The following CHRM5 variants were observed in gnomAD, a reference collection of about 807,000 sequenced individuals.
CHRM5 encodes cholinergic receptor muscarinic 5.
In CHRM5, 18 loss-of-function variants were observed where a neutral mutation model predicts 39.0. The ratio of observed to expected loss-of-function variants is 0.46; its 90% CI spans 0.32 to 0.68. The LOEUF (loss-of-function observed/expected upper bound fraction) is 0.68. Among genes scored for constraint, CHRM5 ranks in the 30% least tolerant of loss-of-function variants. The probability of loss-of-function intolerance (pLI) is 0.04; values close to 1 mark genes in which losing one functional copy is unlikely to be tolerated. For missense variants in CHRM5, 515 were observed against 651.1 expected (o/e 0.79, Z 2.28); for synonymous variants, 241 against 246.3 (o/e 0.98, Z 0.20).
chr15:33,985,977 AC>A (rs1896432205), intron 1 of CHRM5, among the ~76,000 whole-genome samples: 1 of 152,210 alleles, frequency 6.6e-6, no homozygotes, highest in South Asian at 2.1e-4. Flanking sequence ...GATCTAACTC[AC>A]ATAGCATTCC....
intron 2 of CHRM5, among the ~76,000 whole-genome samples, chr15:34,056,794 A>G (rs1398071315): frequency 1.3e-5 from 2 of 152,168 alleles, no homozygotes; most frequent in Non-Finnish European, 2.9e-5. Flanking sequence ...AGGCAGGCAG[A>G]TCACTTGAGG....
intron 1 of CHRM5, among the ~76,000 whole-genome samples, chr15:33,974,426 C>T (rs767079786): frequency 1.3e-5 from 2 of 152,174 alleles, no homozygotes. Flanking sequence ...CTTATGCCAA[C>T]ATACAATATA....
intron 1 of CHRM5, among the ~76,000 whole-genome samples, chr15:34,018,622 A>C (rs1898062351): frequency 6.6e-6 from 1 of 152,194 alleles, no homozygotes; most frequent in African/African-American, 2.4e-5. Flanking sequence ...TGCAGCAGCA[A>C]GACTTATTGT....
intron 1 of CHRM5, among the ~76,000 whole-genome samples, chr15:33,990,147 T>C (rs562382083): frequency 3.3e-5 from 5 of 151,952 alleles, no homozygotes; most frequent in Non-Finnish European, 5.9e-5. Context: ...GAGGTTGCAG[T>C]GAGCCGAGAT....
intron 1 of CHRM5, among the ~76,000 whole-genome samples, chr15:34,042,239 T>G (rs1454083690): frequency 6.6e-6 from 1 of 152,214 alleles, no homozygotes; most frequent in Non-Finnish European, 1.5e-5. Context: ...GTCCTGATTT[T>G]AAACATATGC....
At chr15:34,011,787 G>A (rs1190686677) in intron 1 of CHRM5, among the ~76,000 whole-genome samples, 1 of 152,168 alleles carries the variant, frequency 6.6e-6, no homozygotes, top group African/African-American at 2.4e-5. Flanking sequence ...AAAACTGGAA[G>A]GCACAGGAAG....
intron 2 of CHRM5, among the ~76,000 whole-genome samples, chr15:34,057,699 AG>A (rs778253913): frequency 1.3e-5 from 2 of 152,326 alleles, no homozygotes; most frequent in African/African-American, 4.8e-5. Flanking sequence ...TGGGAGGCTG[AG>A]GCAGGAGGAT....
chr15:34,059,963 A>G (rs1415370713), intron 2 of CHRM5, among the ~76,000 whole-genome samples: 1 of 151,976 alleles, frequency 6.6e-6, no homozygotes, highest in Non-Finnish European at 1.5e-5. Flanking sequence ...TAAACATTCA[A>G]ATATTTAAGA....
At chr15:34,012,784 C>A (rs1897690360) in intron 1 of CHRM5, among the ~76,000 whole-genome samples, 1 of 152,194 alleles carries the variant, frequency 6.6e-6, no homozygotes, top group Non-Finnish European at 1.5e-5. Context: ...CTAGAAGGAA[C>A]CTAGATAGGT....
intron 1 of CHRM5, among the ~76,000 whole-genome samples, chr15:33,978,067 G>A (rs1379011505): frequency 2.6e-5 from 4 of 152,006 alleles, no homozygotes. Context: ...TAGGGAGGGA[G>A]GGAGGACCAT....
chr15:34,006,087 A>G (rs1459335296), intron 1 of CHRM5, among the ~76,000 whole-genome samples: 2 of 152,194 alleles, frequency 1.3e-5, no homozygotes, highest in Non-Finnish European at 2.9e-5. Flanking sequence ...CGAGGAGGGC[A>G]GATCACAAGG....
chr15:34,034,213 C>T (rs1248175565), intron 1 of CHRM5, among the ~76,000 whole-genome samples: 2 of 152,082 alleles, frequency 1.3e-5, no homozygotes, highest in Non-Finnish European at 2.9e-5. Context: ...GTGGCTGAGG[C>T]GGGAGGACTG....
intron 1 of CHRM5, among the ~76,000 whole-genome samples, chr15:34,044,670 T>C (rs1264185022): frequency 6.6e-6 from 1 of 152,220 alleles, no homozygotes; most frequent in Non-Finnish European, 1.5e-5. Context: ...CCATAGCCTG[T>C]GGCAGGAGTC....
rs1197135322 is a variant in CHRM5, at chr15:34,051,220, A to G, written c.-76+4349A>G. Among the ~76,000 whole-genome samples, 3 of 152,242 alleles carry G rather than the reference A, an allele frequency of 2.0e-5. No individual in the cohort carries two copies. The South Asian group carries it at 6.2e-4, about 31-fold the overall frequency. ...CTCACAACCACACAACTACATGGAAACTGAACAACCTACTCCTGAATGACT... is the reference window on the plus strand; with the variant it reads ...CTCACAACCACACAACTACATGGAAGCTGAACAACCTACTCCTGAATGACT... On this transcript the variant is annotated intron_variant, in intron 2 of 2. Transcript: ENST00000383263.
chr15:34,058,485 C>T (rs1900231586), intron 2 of CHRM5, among the ~76,000 whole-genome samples: 1 of 149,628 alleles, frequency 6.7e-6, no homozygotes, highest in South Asian at 2.2e-4. Flanking sequence ...AGAGAGAGAG[C>T]CAATTTCCCA....
intron 1 of CHRM5, among the ~76,000 whole-genome samples, chr15:34,031,367 G>A (rs1269923383): frequency 6.6e-6 from 1 of 151,718 alleles, no homozygotes; most frequent in Admixed American, 6.6e-5. Context: ...TAGCGACAGG[G>A]TTTCATCATG....
chr15:34,039,095 A>C, intron 1 of CHRM5: 2 of 1,068,776 alleles, frequency 1.9e-6, no homozygotes, highest in Non-Finnish European at 2.3e-6. Flanking sequence ...GCTGCGGCGG[A>C]GACGCCCTGG....
At chr15:34,008,971 CACACAG>C (rs1398942745) in intron 1 of CHRM5, among the ~76,000 whole-genome samples, 17 of 151,794 alleles carry the variant, frequency 1.1e-4, no homozygotes, top group Non-Finnish European at 1.5e-4. Flanking sequence ...CACACACACA[CACACAG>C]ACCATCGAGA....
intron 1 of CHRM5, among the ~76,000 whole-genome samples, chr15:34,002,763 G>T (rs529125453): frequency 2.6e-5 from 4 of 152,230 alleles, no homozygotes; most frequent in African/African-American, 9.6e-5. Flanking sequence ...ATTTACAGCA[G>T]CATGGCTCAG....
Sources: gnomAD v4.1 joint callset for allele counts (sites outside exome capture counted in the v4.1 genomes callset) on GRCh38, gnomAD v4.1.1 for gene constraint, MANE v1.5 for transcripts, NCBI Gene and HGNC (gene_info 2026-07-23, HGNC 2026-07-21) for gene names.